BMP6: variants seen among roughly 807,000 people sequenced by gnomAD.
BMP6 encodes bone morphogenetic protein 6, also known as VG-1-R.
Under a neutral mutation model 54.1 loss-of-function variants are expected in BMP6, and 17 were observed. That is an observed-to-expected ratio of 0.31 (90% CI 0.22 to 0.47). The LOEUF (loss-of-function observed/expected upper bound fraction) is 0.47, where lower values mean the gene tolerates loss of function less well. Ranked by LOEUF, BMP6 falls within the 20% of genes least tolerant of loss-of-function variation. The pLI is 1.00. For missense variants in BMP6, 720 were observed against 690.4 expected (o/e 1.04, Z -0.48); for synonymous variants, 328 against 291.2 (o/e 1.13, Z -1.28).
intron 2 of BMP6, 55 bp downstream of exon 2, chr6:7,845,387 T>C: frequency 6.6e-7 from 1 of 1,511,500 alleles, no homozygotes; most frequent in South Asian, 1.3e-5. Context: ...TTCCCACCTT[T>C]TGTCATGACA....
chr6:7,808,975 G>A (rs964418118), intron 1 of BMP6, among the ~76,000 whole-genome samples: 4 of 148,542 alleles, frequency 2.7e-5, no homozygotes, highest in Non-Finnish European at 4.4e-5. Context: ...AGAGGCATCC[G>A]CTTCCCGTGA....
chr6:7,852,233 T>C (rs9379141), intron 2 of BMP6, among the ~76,000 whole-genome samples: 6,959 of 152,296 alleles, frequency 0.046, 265 homozygotes, highest in East Asian at 0.2. Context: ...TTAAGGCTTA[T>C]CTGTTTATGG....
Position 7,812,729 on chromosome 6 carries a change from C to T in BMP6, c.665-32411C>T, listed in dbSNP as rs576289866. ...AGTTGAATGTAAAATATGTAGAACA[C>T]ATGAAAAAGAAACTGAGAAAGAACT... On this transcript the variant is annotated intron_variant, in intron 1 of 6. Transcript: ENST00000283147. Among the ~76,000 whole-genome samples, 4 of 152,060 alleles carry T rather than the reference C, an allele frequency of 2.6e-5. No homozygotes were observed. In the South Asian group the frequency reaches 6.2e-4, roughly 24 times the overall value.
chr6:7,803,313 A>G lies in BMP6; in HGVS notation c.665-41827A>G, dbSNP rs146805755. On this transcript the variant is annotated intron_variant, in intron 1 of 6. Coordinates refer to ENST00000283147, the MANE Select transcript of BMP6 (RefSeq NM_001718.6). Reference sequence around the variant, plus strand: ...GAGAGTTTTAGCTTCCTTGAAAAAAAGTCTGGGTTTGGTCCAACTCAAATC... The same window carrying G: ...GAGAGTTTTAGCTTCCTTGAAAAAAGGTCTGGGTTTGGTCCAACTCAAATC... Among the ~76,000 whole-genome samples, 121 of 152,230 alleles carry G rather than the reference A, an allele frequency of 7.9e-4. 1 individual carries two copies. Among genetic ancestry groups the G allele is most frequent in the African/African-American group, 2.6e-3 (106 of 41,546 alleles).
At chr6:7,780,926 G>T (rs1757933937) in intron 1 of BMP6, among the ~76,000 whole-genome samples, 1 of 152,050 alleles carries the variant, frequency 6.6e-6, no homozygotes, top group Non-Finnish European at 1.5e-5. Flanking sequence ...GCCCAGGCTG[G>T]TCTCAAACTC....
chr6:7,803,082 G>A (rs921692897), intron 1 of BMP6, among the ~76,000 whole-genome samples: 15 of 152,198 alleles, frequency 9.9e-5, no homozygotes, highest in African/African-American at 3.4e-4. Flanking sequence ...AAGGAAGCCT[G>A]CAGAGGCTTG....
At chr6:7,816,043 G>C (rs4552784) in intron 1 of BMP6, among the ~76,000 whole-genome samples, 1 of 152,206 alleles carries the variant, frequency 6.6e-6, no homozygotes, top group Admixed American at 6.5e-5. Context: ...TGACTCTTTA[G>C]GATGGGGTTG....
Position 7,862,480 on chromosome 6 carries a change from C to T in BMP6, c.1186C>T (p.Arg396Trp), listed in dbSNP as rs752583866. The T allele has an allele frequency of 3.7e-6, 6 of 1,614,028 alleles. No homozygotes were observed. The highest frequency in any genetic ancestry group is 3.3e-4 in the Middle Eastern group (2 of 6,014). ...CTCTACCCAGTCCCAGGACGTGGCG[C>T]GGGTCTCCAGTGCTTCAGGTGGGTT... ...NRSTQSQDVA[R>W]VSSASDYNSS... The change falls in exon 4 of 7, where the codon CGG becomes TGG. Residue 396 changes from arginine to tryptophan, a missense_variant. Coordinates refer to ENST00000283147, the MANE Select transcript of BMP6 (RefSeq NM_001718.6).
chr6:7,771,546 T>C (rs1208263979), intron 1 of BMP6, among the ~76,000 whole-genome samples: 2 of 152,206 alleles, frequency 1.3e-5, no homozygotes, highest in African/African-American at 4.8e-5. Context: ...ACGTTTTTCC[T>C]AGATTATCCA....
At chr6:7,823,119 T>A (rs1758641160) in intron 1 of BMP6, among the ~76,000 whole-genome samples, 1 of 152,214 alleles carries the variant, frequency 6.6e-6, no homozygotes, top group Non-Finnish European at 1.5e-5. Flanking sequence ...GAAAATGTTC[T>A]GAGTTGGGGG....
intron 1 of BMP6, among the ~76,000 whole-genome samples, chr6:7,741,496 T>C (rs974883512): frequency 4.3e-5 from 5 of 117,190 alleles, no homozygotes; most frequent in African/African-American, 1.4e-4. Flanking sequence ...GGGGTCTCAT[T>C]ATGTTGCCCA....
Position 7,727,545 on chromosome 6 carries a change from C to T in BMP6, c.590C>T (p.Ala197Val). The change falls in exon 1 of 7, where the codon GCG becomes GTG. Residue 197 changes from alanine to valine, a missense_variant. Transcript: ENST00000283147. The part of the protein sequence containing the change: ...LLAPGSGSGG[A>V]SPLTSAQDSA... ...GCCCCCGGATCTGGCAGCGGCGGCG[C>T]GTCCCCACTGACCAGCGCGCAGGAC... The T allele has an allele frequency of 6.3e-7, 1 of 1,594,672 alleles. No homozygotes were observed. Among genetic ancestry groups the T allele is most frequent in the Non-Finnish European group, 8.5e-7 (1 of 1,177,654 alleles).
At chr6:7,877,119 C>T (rs980398179) in intron 4 of BMP6, among the ~76,000 whole-genome samples, 4 of 152,056 alleles carry the variant, frequency 2.6e-5, no homozygotes, top group Non-Finnish European at 5.9e-5. Context: ...ATTGTTTTTA[C>T]TGAGAGAGTC....
intron 4 of BMP6, among the ~76,000 whole-genome samples, chr6:7,864,855 T>A (rs1431182064): frequency 6.6e-6 from 1 of 152,222 alleles, no homozygotes; most frequent in Non-Finnish European, 1.5e-5. Flanking sequence ...AGAGGCAGCC[T>A]GCTGAACAGA....
At chr6:7,782,574 G>A (rs1246288556) in intron 1 of BMP6, among the ~76,000 whole-genome samples, 1 of 152,144 alleles carries the variant, frequency 6.6e-6, no homozygotes, top group African/African-American at 2.4e-5. Flanking sequence ...GCCAGGTGAG[G>A]TGGCCCACGC....
At chr6:7,807,336 C>T (rs1167821936) in intron 1 of BMP6, among the ~76,000 whole-genome samples, 1 of 152,152 alleles carries the variant, frequency 6.6e-6, no homozygotes, top group Non-Finnish European at 1.5e-5. Flanking sequence ...TCTTGTTGCC[C>T]AGGCTGGAGT....
intron 1 of BMP6, among the ~76,000 whole-genome samples, chr6:7,793,080 G>C (rs1758134944): frequency 6.6e-6 from 1 of 150,868 alleles, no homozygotes. Flanking sequence ...TTGATATACA[G>C]TTAATGCCAG....
chr6:7,761,237 T>G (rs573054946), intron 1 of BMP6, among the ~76,000 whole-genome samples: 1 of 152,240 alleles, frequency 6.6e-6, no homozygotes, highest in Non-Finnish European at 1.5e-5. Flanking sequence ...CCAAAATGTT[T>G]GTGAAATCAC....
chr6:7,838,212 GTTTTA>G (rs1758906233), intron 1 of BMP6, among the ~76,000 whole-genome samples: 1 of 151,926 alleles, frequency 6.6e-6, no homozygotes, highest in Non-Finnish European at 1.5e-5. Context: ...TGTTGTATTT[GTTTTA>G]TTATCATTAA....
Sources: allele counts gnomAD v4.1 joint callset (sites outside exome capture counted in the v4.1 genomes callset), GRCh38; gene constraint gnomAD v4.1.1; transcripts MANE v1.5; gene names NCBI Gene and HGNC (gene_info 2026-07-23, HGNC 2026-07-21).